The following FLRT1 variants were observed in gnomAD, a reference collection of about 807,000 sequenced individuals.
FLRT1 encodes leucine-rich repeat transmembrane protein FLRT1.
A neutral mutation model predicts 30.9 loss-of-function variants in FLRT1; 14 were observed. The ratio of observed to expected loss-of-function variants is 0.45; its 90% CI spans 0.30 to 0.71. The LOEUF is 0.71. Ranked by LOEUF, FLRT1 falls within the 30% of genes least tolerant of loss-of-function variation. The pLI, the probability that FLRT1 is intolerant of heterozygous loss-of-function variation, is 0.08. For missense variants in FLRT1, 737 were observed against 949.2 expected, an observed-to-expected ratio of 0.78 and a Z score of 2.94; for synonymous variants, 368 against 430.4, an observed-to-expected ratio of 0.85 and a Z score of 1.80.
chr11:64,087,542 C>A (rs1241497369), intron 1 of FLRT1, among the ~76,000 whole-genome samples: 3 of 152,248 alleles, frequency 2.0e-5, no homozygotes, highest in Non-Finnish European at 4.4e-5. Context: ...GGCAAGCACG[C>A]AGTCCCCAAG....
chr11:64,066,035 C>T (rs147440278), intron 1 of FLRT1, among the ~76,000 whole-genome samples: 21 of 152,136 alleles, frequency 1.4e-4, no homozygotes, highest in African/African-American at 5.1e-4. Flanking sequence ...GTGGCTCACG[C>T]CTGTAATCCC....
At chr11:64,040,510 C>T (rs1373720097) in intron 1 of FLRT1, among the ~76,000 whole-genome samples, 3 of 152,298 alleles carry the variant, frequency 2.0e-5, no homozygotes, top group South Asian at 2.1e-4. Flanking sequence ...GGGTCTGCCT[C>T]AGGGACCCTC....
intron 1 of FLRT1, among the ~76,000 whole-genome samples, chr11:64,060,013 G>GCC (rs1464743114): frequency 6.6e-6 from 1 of 152,152 alleles, no homozygotes; most frequent in Non-Finnish European, 1.5e-5. Flanking sequence ...ACGTCCAGGG[G>GCC]CCCCCCTCCC....
intron 1 of FLRT1, among the ~76,000 whole-genome samples, chr11:64,053,315 C>G (rs1943727810): frequency 6.6e-6 from 1 of 152,206 alleles, no homozygotes; most frequent in African/African-American, 2.4e-5. Context: ...TTTAATTAAG[C>G]CAATTAATTA....
chr11:64,067,257 G>A lies in FLRT1; in HGVS notation c.-1038+31098G>A, dbSNP rs958900845. Among the ~76,000 whole-genome samples the A allele has an allele frequency of 2.6e-5, 4 of 152,110 alleles. No homozygotes were observed. The highest frequency in any genetic ancestry group is 6.5e-5 in the Admixed American group (1 of 15,282). On this transcript the variant is annotated intron_variant, in intron 1 of 2. Transcript: ENST00000682287. The surrounding 1 kb of genome is among the most constrained non-coding windows in gnomAD (Gnocchi z 4.6). ...GCATGGCACCCACTCCCACCTGTGCGGCACGAGAGGGAGGGAAGGAGCATC... is the reference window on the plus strand; with the variant it reads ...GCATGGCACCCACTCCCACCTGTGCAGCACGAGAGGGAGGGAAGGAGCATC...
chr11:64,097,384 A>G (rs1944595791), intron 1 of FLRT1, among the ~76,000 whole-genome samples: 1 of 152,200 alleles, frequency 6.6e-6, no homozygotes. Flanking sequence ...GGAAGAAAAT[A>G]AAGAAGGGGA....
At chr11:64,098,740 A>T (rs999632109) in intron 1 of FLRT1, among the ~76,000 whole-genome samples, 1 of 152,168 alleles carries the variant, frequency 6.6e-6, no homozygotes, top group African/African-American at 2.4e-5. Flanking sequence ...CCTGCTTACA[A>T]TGATCTAAAC....
chr11:64,091,992 G>A (rs766365600), intron 1 of FLRT1, among the ~76,000 whole-genome samples: 6 of 152,196 alleles, frequency 3.9e-5, no homozygotes, highest in Non-Finnish European at 7.4e-5. Context: ...AGAGGACAGC[G>A]GGGCTGCCGG....
rs765311447 is a variant in FLRT1 at position 64,116,980 on chromosome 11, G to A, written c.713G>A (p.Arg238His). Residue 238 changes from arginine to histidine, a missense_variant, in exon 3 of 3, where the codon CGC (arginine) becomes CAC (histidine). Coordinates refer to ENST00000682287, the MANE Select transcript of FLRT1 (RefSeq NM_013280.5). Reference sequence around the variant, plus strand: ...GACGGTAACCTGCTGGCCAACCAGCGCATCGCCGACGACACCTTCAGCCGC... The same window carrying A: ...GACGGTAACCTGCTGGCCAACCAGCACATCGCCGACGACACCTTCAGCCGC... The part of the protein sequence containing the change: ...VLDGNLLANQ[R>H]IADDTFSRLQ... 4 of 1,611,890 alleles carry A rather than the reference G, an allele frequency of 2.5e-6. No individual in the cohort carries two copies. Among genetic ancestry groups the A allele is most frequent in the African/African-American group, 2.7e-5 (2 of 74,914 alleles).
chr11:64,117,519 G>A lies in FLRT1; in HGVS notation c.1252G>A (p.Gly418Arg). The change falls in exon 3 of 3, where the codon GGG becomes AGG. Residue 418 changes from glycine to arginine, a missense_variant. Physicochemically the swap from Gly to Arg is moderately radical, Grantham distance 125. Coordinates refer to ENST00000682287, the MANE Select transcript of FLRT1 (RefSeq NM_013280.5). ...GTTTACCCTCAAGGCCAAAAGGCCA[G>A]GGCTGCGCCTCCCCGACTCCAACAT... ...SLFTLKAKRP[G>R]LRLPDSNIDY... 6.2e-7 allele frequency: 1 copy of A among 1,605,622 alleles called. No homozygotes were observed. Among genetic ancestry groups the A allele is most frequent in the Non-Finnish European group, 8.5e-7 (1 of 1,174,436 alleles).
At chr11:64,039,718 C>T (rs906555691) in intron 1 of FLRT1, among the ~76,000 whole-genome samples, 12 of 152,324 alleles carry the variant, frequency 7.9e-5, no homozygotes, top group East Asian at 3.9e-4. Context: ...TGTTTACCAT[C>T]GCTCGAGGCC....
intron 1 of FLRT1, among the ~76,000 whole-genome samples, chr11:64,086,745 G>C (rs1944402821): frequency 6.6e-6 from 1 of 152,190 alleles, no homozygotes; most frequent in South Asian, 2.1e-4. Flanking sequence ...ACAGTACAGA[G>C]ATGTAGACAC....
At chr11:64,095,083 A>G (rs146468665) in intron 1 of FLRT1, among the ~76,000 whole-genome samples, 1 of 152,334 alleles carries the variant, frequency 6.6e-6, no homozygotes, top group East Asian at 1.9e-4. Flanking sequence ...AAAGGAAAAT[A>G]TACAATGAGA....
chr11:64,104,832 G>C (rs1313314272), intron 2 of FLRT1, among the ~76,000 whole-genome samples: 1 of 152,204 alleles, frequency 6.6e-6, no homozygotes, highest in African/African-American at 2.4e-5. Context: ...AACAGGCGGT[G>C]AGTCCTCCCT....
chr11:64,061,270 G>A (rs981513992), intron 1 of FLRT1, among the ~76,000 whole-genome samples: 20 of 152,322 alleles, frequency 1.3e-4, no homozygotes, highest in Middle Eastern at 3.4e-3. Context: ...CTGGCTGTCA[G>A]GGCAGATGGA....
intron 1 of FLRT1, among the ~76,000 whole-genome samples, chr11:64,037,863 T>C (rs4980502): frequency 0.14 from 20,605 of 152,224 alleles, 1,717 homozygotes; most frequent in Non-Finnish European, 0.18. Flanking sequence ...GTTTCCCTTG[T>C]TGGTAAAATG....
At chr11:64,116,146 G>A (rs1479742288) in intron 2 of FLRT1, 73 bp from the exon 3 acceptor site, 1 of 1,412,458 alleles carries the variant, frequency 7.1e-7, no homozygotes, top group Non-Finnish European at 9.4e-7. Context: ...CAGGTGGGAG[G>A]GAATGCACGA....
At chr11:64,044,693 G>A (rs976116725) in intron 1 of FLRT1, among the ~76,000 whole-genome samples, 4 of 152,164 alleles carry the variant, frequency 2.6e-5, no homozygotes, top group African/African-American at 9.7e-5. Context: ...AAAGGAGGAT[G>A]GGAAACTGAG....
chr11:64,116,666 C>A lies in FLRT1; in HGVS notation c.399C>A (p.His133Gln). Reference protein sequence around the residue: ...INLPRSLRELHLQDNNVRTIA... With the variant: ...INLPRSLRELQLQDNNVRTIA... ...TGCCCCGCTCCCTCCGGGAGCTGCA[C>A]CTGCAGGACAACAATGTGCGCACCA... The change falls in exon 3 of 3, where the codon CAC becomes CAA. Residue 133 changes from histidine to glutamine, a missense_variant. Transcript: ENST00000682287. 5 of 1,614,038 alleles carry A rather than the reference C, an allele frequency of 3.1e-6. No homozygotes were observed. The highest frequency in any genetic ancestry group is 4.2e-6 in the Non-Finnish European group (5 of 1,180,020).
Sources: allele counts gnomAD v4.1 joint callset (sites outside exome capture counted in the v4.1 genomes callset), GRCh38; gene constraint gnomAD v4.1.1; non-coding constraint Gnocchi (gnomAD v3.1); transcripts MANE v1.5; gene names NCBI Gene and HGNC (gene_info 2026-07-23, HGNC 2026-07-21).